Variants in TXNDC16 observed in about 807,000 individuals in gnomAD.
TXNDC16 encodes the protein thioredoxin domain containing 16.
TXNDC16 carries 74 observed loss-of-function variants against 85.6 expected under a neutral mutation model. The ratio of observed to expected loss-of-function variants is 0.86; its 90% CI spans 0.72 to 1.05. TXNDC16 has a LOEUF of 1.05. Ranked by LOEUF, TXNDC16 falls within the 50% of genes least tolerant of loss-of-function variation. The pLI, the probability that TXNDC16 is intolerant of heterozygous loss-of-function variation, is 0.00. For synonymous variants in TXNDC16, 335 were observed against 326.5 expected, an observed-to-expected ratio of 1.03 and a Z score of -0.28; for missense variants, 959 against 947.0, an observed-to-expected ratio of 1.01 and a Z score of -0.17.
chr14:52,515,122 G>A, intron 7 of TXNDC16, 152 bp from the exon 8 acceptor site: 1 of 477,354 alleles, frequency 2.1e-6, no homozygotes. Context: ...GGAAAATGCA[G>A]GCAGTTAAAA....
chr14:52,435,934 G>A (rs1415281275), intron 20 of TXNDC16, among the ~76,000 whole-genome samples: 2 of 151,886 alleles, frequency 1.3e-5, no homozygotes, highest in African/African-American at 2.4e-5. Flanking sequence ...TGTGATGATC[G>A]CACCCCTGCA....
chr14:52,536,721 G>A lies in TXNDC16; in HGVS notation c.390C>T (p.Leu130=), dbSNP rs775481490. ...FDVNAIVAHV[L]FALLFSEVKY... ...GAATGTGTAGCCCCTGTACTTACAA[G>A]AGAACATGGGCGACAATGGCATTCA... Residue 130 remains leucine, a splice_region_variant and synonymous_variant, in exon 6 of 21, where the codon CTC becomes CTT. Coordinates refer to ENST00000281741, the MANE Select transcript of TXNDC16 (RefSeq NM_020784.3). 15 of 1,607,956 alleles carry A rather than the reference G, an allele frequency of 9.3e-6. No individual in the cohort carries two copies. The highest frequency in any genetic ancestry group is 1.3e-5 in the Non-Finnish European group (15 of 1,176,320).
At chr14:52,467,951 T>A (rs752472601) in intron 16 of TXNDC16, among the ~76,000 whole-genome samples, 18 of 152,152 alleles carry the variant, frequency 1.2e-4, no homozygotes, top group Non-Finnish European at 2.2e-4. Flanking sequence ...CACTACAATA[T>A]AGATGAACCC....
intron 4 of TXNDC16, among the ~76,000 whole-genome samples, chr14:52,538,966 T>A (rs959510239): frequency 2.6e-5 from 4 of 152,192 alleles, no homozygotes; most frequent in South Asian, 2.1e-4. Flanking sequence ...ATTTTAAAAA[T>A]TTTTTAAGTT....
intron 16 of TXNDC16, among the ~76,000 whole-genome samples, chr14:52,457,699 C>T (rs930223089): frequency 6.6e-6 from 1 of 152,192 alleles, no homozygotes; most frequent in African/African-American, 2.4e-5. Context: ...ACAATTCCTA[C>T]ATTTTCTCTA....
chr14:52,447,525 G>C (rs542078746), intron 18 of TXNDC16, among the ~76,000 whole-genome samples: 9 of 152,282 alleles, frequency 5.9e-5, no homozygotes, highest in African/African-American at 1.7e-4. Flanking sequence ...GCCCCTGAGG[G>C]TGGTTGCGTC....
intron 12 of TXNDC16, among the ~76,000 whole-genome samples, chr14:52,484,332 AGAAG>A (rs2036217987): frequency 1.3e-5 from 2 of 152,314 alleles, no homozygotes; most frequent in African/African-American, 4.8e-5. Flanking sequence ...TTAAAAAGAA[AGAAG>A]GGAGAGAGAA....
At chr14:52,439,098 C>T in intron 20 of TXNDC16, 106 bp downstream of exon 20, 1 of 1,195,748 alleles carries the variant, frequency 8.4e-7, no homozygotes, top group Non-Finnish European at 1.2e-6. Flanking sequence ...GATGATGCTA[C>T]CAGCATTTTA....
chr14:52,502,800 G>T (rs1051685210), intron 9 of TXNDC16, among the ~76,000 whole-genome samples: 2 of 152,208 alleles, frequency 1.3e-5, no homozygotes, highest in Non-Finnish European at 2.9e-5. Flanking sequence ...GGAAGTGCAA[G>T]GGGTCAGGGA....
At chr14:52,488,831 G>GAAAAAAAAAA (rs199871075) in intron 11 of TXNDC16, among the ~76,000 whole-genome samples, 8,196 of 88,262 alleles carry the variant, frequency 0.093, 385 homozygotes, top group Non-Finnish European at 0.12. Flanking sequence ...GAGACTCTGG[G>GAAAAAAAAAA]AAAAAAAAAA....
chr14:52,551,232 A>T (rs2038037686), intron 1 of TXNDC16, among the ~76,000 whole-genome samples: 1 of 152,106 alleles, frequency 6.6e-6, no homozygotes, highest in African/African-American at 2.4e-5. Flanking sequence ...TTAGCTAGGA[A>T]AAAAGACAGC....
At chr14:52,528,801 T>C (rs1712872121) in intron 6 of TXNDC16, among the ~76,000 whole-genome samples, 1 of 148,182 alleles carries the variant, frequency 6.7e-6, no homozygotes, top group African/African-American at 2.5e-5. Context: ...AAATCAATCT[T>C]TCATATACTG....
Position 52,455,427 on chromosome 14 carries a change from A to G in TXNDC16, c.1739T>C (p.Leu580Pro), listed in dbSNP as rs771473742. The change falls in exon 18 of 21, where the codon CTG (leucine) becomes CCG (proline). Residue 580 changes from leucine to proline, a missense_variant. Transcript: ENST00000281741. The part of the protein sequence containing the change: ...TKYAASLPAL[L>P]LARHTEGKIE... Reference sequence around the variant, plus strand: ...TTTGCCTTCTGTGTGTCTGGCAAGCAGCAGGGCTGGAAGACTTGCAGCATA... The same window carrying G: ...TTTGCCTTCTGTGTGTCTGGCAAGCGGCAGGGCTGGAAGACTTGCAGCATA... The G allele has an allele frequency of 3.7e-6, 6 of 1,614,058 alleles. No homozygotes were observed. The highest frequency in any genetic ancestry group is 5.1e-6 in the Non-Finnish European group (6 of 1,179,950).
rs1195061610 is a variant in TXNDC16, at chr14:52,430,852, TGAG to T, written c.*1449_*1451del. 6.6e-6 allele frequency: 1 copy of T among 152,006 alleles called. No individual in the cohort carries two copies. The highest frequency in any genetic ancestry group is 1.5e-5 in the Non-Finnish European group (1 of 67,978). 9.4% of individuals were successfully genotyped at this position (152,006 alleles called of 1,614,324 possible). ...CATCACATGCTACAGGAAAAAAAAT[TGAG>T]GAGAGGGTGCTGAGAGTAGCAACGG... On this transcript the variant is annotated 3_prime_UTR_variant, in exon 21 of 21. Coordinates refer to ENST00000281741, the MANE Select transcript of TXNDC16 (RefSeq NM_020784.3).
intron 16 of TXNDC16, among the ~76,000 whole-genome samples, chr14:52,469,041 T>C (rs939125396): frequency 2.0e-5 from 3 of 151,866 alleles, no homozygotes; most frequent in Admixed American, 6.6e-5. Flanking sequence ...ACAGTACAAA[T>C]ATTGTTCATA....
At chr14:52,536,221 C>A (rs553668277) in intron 6 of TXNDC16, among the ~76,000 whole-genome samples, 2 of 151,568 alleles carry the variant, frequency 1.3e-5, no homozygotes, top group African/African-American at 4.8e-5. Context: ...TCCTTTATCC[C>A]TTTCATCATG....
chr14:52,444,104 G>C (rs573443550), intron 18 of TXNDC16, among the ~76,000 whole-genome samples: 82 of 152,176 alleles, frequency 5.4e-4, no homozygotes, highest in African/African-American at 1.7e-3. Flanking sequence ...ATGTTGAGGA[G>C]GAATGGTATA....
At chr14:52,524,510 T>A (rs1260229629) in intron 6 of TXNDC16, among the ~76,000 whole-genome samples, 1 of 152,124 alleles carries the variant, frequency 6.6e-6, no homozygotes, top group Non-Finnish European at 1.5e-5. Context: ...TTTATTTTTA[T>A]TTTTTTGAGG....
At chr14:52,529,971 T>A (rs1197455419) in intron 6 of TXNDC16, among the ~76,000 whole-genome samples, 1 of 101,524 alleles carries the variant, frequency 9.8e-6, no homozygotes, top group Non-Finnish European at 1.8e-5. Flanking sequence ...ATAATACATA[T>A]AACAATATGT....
Sources: gnomAD v4.1 joint callset for allele counts (sites outside exome capture counted in the v4.1 genomes callset) on GRCh38, gnomAD v4.1.1 for gene constraint, MANE v1.5 for transcripts, NCBI Gene and HGNC (gene_info 2026-07-23, HGNC 2026-07-21) for gene names.